The following CDH12 variants were observed in gnomAD, a reference collection of about 807,000 sequenced individuals.
The protein encoded by CDH12 is cadherin 12.
A neutral mutation model predicts 74.1 loss-of-function variants in CDH12; 41 were observed. The ratio of observed to expected loss-of-function variants is 0.55; its 90% CI spans 0.43 to 0.72. The LOEUF (loss-of-function observed/expected upper bound fraction) is 0.72, where lower values mean the gene tolerates loss of function less well. CDH12 is among the 30% of genes least tolerant of loss of function. CDH12 has a pLI of 0.00. For synonymous variants in CDH12, 399 were observed against 355.0 expected, an observed-to-expected ratio of 1.12 and a Z score of -1.39; for missense variants, 945 against 977.2, an observed-to-expected ratio of 0.97 and a Z score of 0.44.
At chr5:21,977,284 T>C (rs1757110002) in intron 5 of CDH12, among the ~76,000 whole-genome samples, 1 of 152,072 alleles carries the variant, frequency 6.6e-6, no homozygotes, top group South Asian at 2.1e-4. Context: ...AAAACTGCTG[T>C]GAAGCATAGG....
chr5:21,787,138 G>T (rs1416480622), intron 10 of CDH12, among the ~76,000 whole-genome samples: 1 of 152,136 alleles, frequency 6.6e-6, no homozygotes, highest in East Asian at 1.9e-4. Flanking sequence ...AACAGTGGCA[G>T]GTTTTAGGAG....
At chr5:22,464,595 T>C (rs1264755934) in intron 2 of CDH12, among the ~76,000 whole-genome samples, 3 of 152,176 alleles carry the variant, frequency 2.0e-5, no homozygotes, top group Non-Finnish European at 4.4e-5. Flanking sequence ...CACTACAAAC[T>C]CTTCTCCTCA....
At chr5:22,354,697 A>G (rs1043021315) in intron 3 of CDH12, among the ~76,000 whole-genome samples, 4 of 152,186 alleles carry the variant, frequency 2.6e-5, no homozygotes, top group Non-Finnish European at 4.4e-5. Flanking sequence ...CAGTGCTCTC[A>G]AATGAATTTC....
chr5:21,952,633 CTG>C (rs1406645176), intron 6 of CDH12, among the ~76,000 whole-genome samples: 4 of 152,224 alleles, frequency 2.6e-5, no homozygotes, highest in Admixed American at 1.3e-4. Flanking sequence ...AGAAAACATG[CTG>C]TGAGATGGGA....
intron 1 of CDH12, among the ~76,000 whole-genome samples, chr5:22,548,971 G>A (rs1344843423): frequency 4.0e-5 from 6 of 151,872 alleles, no homozygotes; most frequent in Admixed American, 3.3e-4. Flanking sequence ...ACAGGGTCTC[G>A]CTCTCTCATT....
At chr5:22,845,299 G>T (rs1430127735) in intron 1 of CDH12, among the ~76,000 whole-genome samples, 1 of 152,022 alleles carries the variant, frequency 6.6e-6, no homozygotes, top group Non-Finnish European at 1.5e-5. Flanking sequence ...ATAGGCCAAG[G>T]TAAATGCATG....
At chr5:22,692,059 G>A (rs1379308144) in intron 1 of CDH12, among the ~76,000 whole-genome samples, 1 of 152,182 alleles carries the variant, frequency 6.6e-6, no homozygotes, top group African/African-American at 2.4e-5. Flanking sequence ...GATGTGAGGT[G>A]TTTGGGTCAT....
At chr5:22,064,648 T>C (rs1327589884) in intron 5 of CDH12, among the ~76,000 whole-genome samples, 1 of 152,184 alleles carries the variant, frequency 6.6e-6, no homozygotes, top group Non-Finnish European at 1.5e-5. Context: ...ATAATATTTT[T>C]GAACATTTTT....
intron 1 of CDH12, among the ~76,000 whole-genome samples, chr5:22,636,579 C>T (rs939801895): frequency 2.0e-5 from 3 of 151,892 alleles, no homozygotes; most frequent in Non-Finnish European, 2.9e-5. Flanking sequence ...AAAAATGACA[C>T]GTTGTTGAAG....
chr5:21,941,312 T>C lies in CDH12; in HGVS notation c.526+33779A>G, dbSNP rs144231882. On this transcript the variant is annotated intron_variant, in intron 6 of 14. Coordinates refer to ENST00000382254, the MANE Select transcript of CDH12 (RefSeq NM_004061.5). ...AAAACAAATTAACCTTGCCTGACCA[T>C]TTTTAGGACAACATAATGGTTTCTT... Among the ~76,000 whole-genome samples, 730 of 152,260 alleles carry C rather than the reference T, an allele frequency of 4.8e-3. 8 individuals carry two copies. The highest frequency in any genetic ancestry group is 7.5e-3 in the Non-Finnish European group (510 of 68,004).
chr5:22,556,285 TG>T (rs1738800263), intron 1 of CDH12, among the ~76,000 whole-genome samples: 1 of 152,068 alleles, frequency 6.6e-6, no homozygotes, highest in Non-Finnish European at 1.5e-5. Context: ...AGTAAGGCTA[TG>T]GGCAAGCACT....
At chr5:22,010,148 T>A (rs1200303399) in intron 5 of CDH12, among the ~76,000 whole-genome samples, 15 of 152,282 alleles carry the variant, frequency 9.9e-5, no homozygotes, top group South Asian at 2.1e-4. Flanking sequence ...CTTGATGAAC[T>A]ATTGCTTTAC....
At chr5:22,673,223 T>TA (rs2126917311) in intron 1 of CDH12, among the ~76,000 whole-genome samples, 1 of 152,298 alleles carries the variant, frequency 6.6e-6, no homozygotes, top group African/African-American at 2.4e-5. Context: ...GAGTTTGCAT[T>TA]AAAACAAACT....
At chr5:21,957,044 C>T (rs1026896869) in intron 6 of CDH12, among the ~76,000 whole-genome samples, 18 of 151,950 alleles carry the variant, frequency 1.2e-4, no homozygotes, top group African/African-American at 4.3e-4. Flanking sequence ...AATTATTTTT[C>T]CTGCTCCTCT....
chr5:22,006,875 A>G (rs924997461), intron 5 of CDH12, among the ~76,000 whole-genome samples: 4 of 152,148 alleles, frequency 2.6e-5, no homozygotes, highest in Non-Finnish European at 5.9e-5. Context: ...TATTATTAAA[A>G]TTAGTATTAT....
chr5:22,396,999 A>G (rs1255221372), intron 3 of CDH12, among the ~76,000 whole-genome samples: 1 of 152,010 alleles, frequency 6.6e-6, no homozygotes, highest in African/African-American at 2.4e-5. Flanking sequence ...TTACGTATAT[A>G]AACTTTGGTG....
chr5:21,845,087 C>T (rs1183386211), intron 7 of CDH12, among the ~76,000 whole-genome samples: 1 of 152,040 alleles, frequency 6.6e-6, no homozygotes, highest in African/African-American at 2.4e-5. Flanking sequence ...AGGAGCATAG[C>T]AGCAACTGTA....
chr5:22,062,604 T>G (rs1459286687), intron 5 of CDH12, among the ~76,000 whole-genome samples: 1 of 152,106 alleles, frequency 6.6e-6, no homozygotes, highest in Admixed American at 6.6e-5. Context: ...GTCAACCTAT[T>G]TGGCAGCAGA....
At chr5:22,072,448 A>C (rs1197026127) in intron 5 of CDH12, among the ~76,000 whole-genome samples, 1 of 151,604 alleles carries the variant, frequency 6.6e-6, no homozygotes, top group Non-Finnish European at 1.5e-5. Flanking sequence ...GTACTTCCTC[A>C]TTTGTGATGA....
Sources: gnomAD v4.1 joint callset for allele counts (sites outside exome capture counted in the v4.1 genomes callset) on GRCh38, gnomAD v4.1.1 for gene constraint, MANE v1.5 for transcripts, NCBI Gene and HGNC (gene_info 2026-07-23, HGNC 2026-07-21) for gene names.